The following CFDP1 variants were observed in gnomAD, a reference collection of about 807,000 sequenced individuals.
The protein encoded by CFDP1 is heterochromatin-stabilizing protein CFDP1.
In CFDP1, 31 loss-of-function variants were observed where a neutral mutation model predicts 40.1. The ratio of observed to expected loss-of-function variants is 0.77; its 90% CI spans 0.58 to 1.04. CFDP1 has a LOEUF of 1.04. Among genes scored for constraint, CFDP1 ranks in the 50% least tolerant of loss-of-function variants. CFDP1 has a pLI of 0.00. For synonymous variants in CFDP1, 167 were observed against 120.0 expected, an observed-to-expected ratio of 1.39 and a Z score of -2.56; for missense variants, 423 against 343.4, an observed-to-expected ratio of 1.23 and a Z score of -1.83.
chr16:75,377,033 C>T (rs2151544333), intron 5 of CFDP1, among the ~76,000 whole-genome samples: 1 of 152,358 alleles, frequency 6.6e-6, no homozygotes, highest in Admixed American at 6.5e-5. Flanking sequence ...GTTAACACTG[C>T]CGCTTCAATA....
chr16:75,413,096 A>C (rs1479426433), intron 2 of CFDP1, among the ~76,000 whole-genome samples: 1 of 152,228 alleles, frequency 6.6e-6, no homozygotes, highest in Non-Finnish European at 1.5e-5. Context: ...ATATTCTAAG[A>C]ACATATTATA....
At chr16:75,297,320 T>C (rs2078190996) in intron 6 of CFDP1, among the ~76,000 whole-genome samples, 1 of 152,100 alleles carries the variant, frequency 6.6e-6, no homozygotes, top group Admixed American at 6.6e-5. Context: ...CTGCCCGGTC[T>C]TGCTTCACAT....
At chr16:75,388,962 TA>T in intron 5 of CFDP1, among the ~76,000 whole-genome samples, 1 of 151,516 alleles carries the variant, frequency 6.6e-6, no homozygotes, top group South Asian at 2.1e-4. Context: ...AAAACAAGGC[TA>T]AAACTACATG....
intron 5 of CFDP1, among the ~76,000 whole-genome samples, chr16:75,342,135 G>A (rs1320376160): frequency 6.6e-6 from 1 of 152,172 alleles, no homozygotes. Context: ...AAAATTCACT[G>A]TCAGGATTGA....
In CFDP1 at chr16:75,392,591, G is replaced by A. The variant is rs139111304; in HGVS notation, c.650+2499C>T. On this transcript the variant is annotated intron_variant, in intron 5 of 6. Coordinates refer to ENST00000283882, the MANE Select transcript of CFDP1 (RefSeq NM_006324.3). ...CAGCTCACTTCGACCTCTGCCTCCT[G>A]GGTTCAAGCGATTCTGCTGCCTCAG... Among the ~76,000 whole-genome samples, 1,047 of 152,316 alleles carry A rather than the reference G, an allele frequency of 6.9e-3. 13 individuals are homozygous for A. The highest frequency in any genetic ancestry group is 0.024 in the African/African-American group (979 of 41,586).
chr16:75,294,013 C>A lies in CFDP1; in HGVS notation c.839G>T (p.Arg280Leu). The change falls in exon 7 of 7, where the codon CGA becomes CTA. Residue 280 changes from arginine to leucine, a missense_variant. Physicochemically the swap from Arg to Leu is moderately radical, Grantham distance 102. Coordinates refer to ENST00000283882, the MANE Select transcript of CFDP1 (RefSeq NM_006324.3). ...AATTTCAAACTGCCTGTGATCCACT[C>A]GGTCAAGGAAGGCTTTCCGTTCAAT... is the stretch of plus-strand genomic sequence containing the variant. ...GYIERKAFLD[R>L]VDHRQFEIER... 3 of 1,614,020 alleles carry A rather than the reference C, an allele frequency of 1.9e-6. No individual in the cohort carries two copies. The highest frequency in any genetic ancestry group is 2.5e-6 in the Non-Finnish European group (3 of 1,179,950).
intron 5 of CFDP1, among the ~76,000 whole-genome samples, chr16:75,367,383 T>C (rs1026810142): frequency 6.8e-6 from 1 of 146,972 alleles, no homozygotes; most frequent in Non-Finnish European, 1.5e-5. Context: ...ATGGCACACA[T>C]GTACCTATGT....
At chr16:75,298,854 A>AT (rs1270787102) in intron 6 of CFDP1, among the ~76,000 whole-genome samples, 5 of 152,136 alleles carry the variant, frequency 3.3e-5, no homozygotes, top group Non-Finnish European at 7.4e-5. Context: ...ATGAAAATAT[A>AT]TTTTTTTGGA....
chr16:75,378,066 G>A (rs1409546104), intron 5 of CFDP1, among the ~76,000 whole-genome samples: 2 of 152,154 alleles, frequency 1.3e-5, no homozygotes, highest in African/African-American at 4.8e-5. Flanking sequence ...GTTAAGTGCA[G>A]GAAAGGCTGA....
At chr16:75,356,639 A>C (rs2078645347) in intron 5 of CFDP1, among the ~76,000 whole-genome samples, 1 of 152,108 alleles carries the variant, frequency 6.6e-6, no homozygotes, top group African/African-American at 2.4e-5. Flanking sequence ...CCACCTTATC[A>C]CTCGAAATTT....
intron 1 of CFDP1, among the ~76,000 whole-genome samples, chr16:75,423,415 C>G (rs1013990215): frequency 1.3e-5 from 2 of 152,236 alleles, no homozygotes; most frequent in South Asian, 2.1e-4. Flanking sequence ...CCACTGCACT[C>G]CAGTCTGGGT....
At chr16:75,389,381 A>C (rs531582919) in intron 5 of CFDP1, among the ~76,000 whole-genome samples, 1 of 152,316 alleles carries the variant, frequency 6.6e-6, no homozygotes, top group East Asian at 1.9e-4. Context: ...CCTCTAATTA[A>C]AGTAGGGCTT....
chr16:75,384,898 A>G (rs932567810), intron 5 of CFDP1, among the ~76,000 whole-genome samples: 12 of 114,410 alleles, frequency 1.0e-4, no homozygotes, highest in Non-Finnish European at 1.7e-4. Flanking sequence ...ATATATATAT[A>G]TTGCAGACCA....
chr16:75,377,476 T>C (rs1226370110), intron 5 of CFDP1, among the ~76,000 whole-genome samples: 1 of 152,236 alleles, frequency 6.6e-6, no homozygotes, highest in African/African-American at 2.4e-5. Flanking sequence ...TATTTATAAC[T>C]CAACTCTTTC....
At chr16:75,415,986 G>A (rs958181623) in intron 1 of CFDP1, among the ~76,000 whole-genome samples, 1 of 152,066 alleles carries the variant, frequency 6.6e-6, no homozygotes, top group African/African-American at 2.4e-5. Context: ...CTGAGTAGCT[G>A]ACATTACAGA....
At chr16:75,377,397 C>T (rs2078809823) in intron 5 of CFDP1, among the ~76,000 whole-genome samples, 1 of 152,228 alleles carries the variant, frequency 6.6e-6, no homozygotes, top group Non-Finnish European at 1.5e-5. Context: ...TGTGAGTCCA[C>T]ACAAATCTCT....
At chr16:75,407,934 C>A (rs2079117204) in intron 4 of CFDP1, among the ~76,000 whole-genome samples, 1 of 152,074 alleles carries the variant, frequency 6.6e-6, no homozygotes, top group East Asian at 1.9e-4. Flanking sequence ...ATGGTGAAAC[C>A]CATCTCTACA....
At chr16:75,342,646 A>T (rs1374953329) in intron 5 of CFDP1, among the ~76,000 whole-genome samples, 1 of 152,176 alleles carries the variant, frequency 6.6e-6, no homozygotes, top group Non-Finnish European at 1.5e-5. Flanking sequence ...GAAAAAAAAC[A>T]TCCTTTCTCT....
chr16:75,338,807 CAG>C (rs1359307179), intron 5 of CFDP1, among the ~76,000 whole-genome samples: 2 of 152,098 alleles, frequency 1.3e-5, no homozygotes, highest in African/African-American at 2.4e-5. Flanking sequence ...TCTGTGGGTA[CAG>C]ACTCTTAGGT....
Sources: allele counts gnomAD v4.1 joint callset (sites outside exome capture counted in the v4.1 genomes callset), GRCh38; gene constraint gnomAD v4.1.1; transcripts MANE v1.5; gene names NCBI Gene and HGNC (gene_info 2026-07-23, HGNC 2026-07-21).